RFT1: variants seen among roughly 807,000 people sequenced by gnomAD.
RFT1 encodes RFT1 glycolipid translocator homolog.
A neutral mutation model predicts 62.2 loss-of-function variants in RFT1; 43 were observed. That is an observed-to-expected ratio of 0.69 (90% CI 0.54 to 0.89). The LOEUF (loss-of-function observed/expected upper bound fraction) is 0.89. RFT1 is among the 40% of genes least tolerant of loss of function. The pLI is 0.00. For synonymous variants in RFT1, 262 were observed against 264.6 expected (o/e 0.99, Z 0.10); for missense variants, 605 against 649.9 (o/e 0.93, Z 0.75).
At chr3:53,101,184 G>T (rs1028637941) in intron 10 of RFT1, among the ~76,000 whole-genome samples, 1 of 152,204 alleles carries the variant, frequency 6.6e-6, no homozygotes, top group Non-Finnish European at 1.5e-5. Context: ...CCACGGCCCT[G>T]TCTCAGATTC....
intron 10 of RFT1, among the ~76,000 whole-genome samples, chr3:53,102,097 T>C (rs1290922899): frequency 2.7e-5 from 4 of 150,684 alleles, no homozygotes; most frequent in Admixed American, 6.6e-5. Context: ...AGGGAGATGA[T>C]GACGTGAAGA....
rs1458828586 is a variant in RFT1, at chr3:53,122,495, T to G, written c.335A>C (p.Asp112Ala). The G allele has an allele frequency of 6.2e-7, 1 of 1,613,542 alleles. No homozygotes were observed. The highest frequency in any genetic ancestry group is 8.5e-7 in the Non-Finnish European group (1 of 1,179,886). ...TGCATAGTGAGGGACAACATTAGGA[T>G]CAGGCACTTCAAGCAGCTGCAACCA... ...WIWLQLLEVPDPNVVPHYATG... is the reference protein window; with the variant it reads ...WIWLQLLEVPAPNVVPHYATG... Residue 112 changes from aspartate (D) to alanine (A), a missense_variant, in exon 4 of 13, where the codon GAT (aspartate) becomes GCT (alanine). Physicochemically the swap from Asp to Ala is moderately radical, Grantham distance 126. Coordinates refer to ENST00000296292, the MANE Select transcript of RFT1 (RefSeq NM_052859.4).
intron 10 of RFT1, chr3:53,103,659 C>A (rs1047055756): frequency 2.4e-6 from 1 of 411,678 alleles, no homozygotes; most frequent in Non-Finnish European, 4.6e-6. Context: ...CACAGGGAAG[C>A]GCTTGGCAAA....
At chr3:53,104,500 C>G (rs1276819751) in intron 9 of RFT1, among the ~76,000 whole-genome samples, 1 of 152,052 alleles carries the variant, frequency 6.6e-6, no homozygotes, top group East Asian at 1.9e-4. Flanking sequence ...AAGCGTGAGG[C>G]TTACAGGCAT....
At chr3:53,107,395 C>T (rs1701516705) in intron 7 of RFT1, among the ~76,000 whole-genome samples, 2 of 152,008 alleles carry the variant, frequency 1.3e-5, no homozygotes, top group South Asian at 4.1e-4. Flanking sequence ...CCTCAGCCTC[C>T]CAAAGTGCTG....
In RFT1 at chr3:53,099,362, T is replaced by A; in HGVS notation, c.1208+19A>T. 1 of 1,590,388 alleles carries A rather than the reference T, an allele frequency of 6.3e-7. No individual in the cohort carries two copies. The highest frequency in any genetic ancestry group is 8.6e-7 in the Non-Finnish European group (1 of 1,158,454). ...TGGCTGAAGGCCATGATTAAAGGTGTACCTGCTAGGTTACCCACCTGTCGA... is the reference window on the plus strand; with the variant it reads ...TGGCTGAAGGCCATGATTAAAGGTGAACCTGCTAGGTTACCCACCTGTCGA... On this transcript the variant is annotated intron_variant, in intron 11 of 12. Transcript: ENST00000296292.
At chr3:53,083,683 C>T (rs141336487), downstream of RFT1, among the ~76,000 whole-genome samples, 19 of 152,284 alleles carry the variant, frequency 1.2e-4, no homozygotes, top group East Asian at 3.7e-3. Flanking sequence ...GACAAGTCAC[C>T]ACTGTGCTTG....
At chr3:53,103,833 C>A in intron 10 of RFT1, 120 bp downstream of exon 10, 1 of 1,268,176 alleles carries the variant, frequency 7.9e-7, no homozygotes, top group South Asian at 1.2e-5. Flanking sequence ...CCCCTGCCAC[C>A]AGACAGTTTT....
At chr3:53,102,601 A>C (rs777355332) in intron 10 of RFT1, among the ~76,000 whole-genome samples, 2 of 152,228 alleles carry the variant, frequency 1.3e-5, no homozygotes, top group Non-Finnish European at 2.9e-5. Context: ...CCTCTAGAAC[A>C]CTTACAAAGA....
At chr3:53,113,494 G>C (rs1278049994) in intron 6 of RFT1, among the ~76,000 whole-genome samples, 1 of 152,228 alleles carries the variant, frequency 6.6e-6, no homozygotes. Context: ...GGGCCCAAGG[G>C]CAGGCCTGGA....
At chr3:53,125,845 G>C (rs1051477465) in intron 2 of RFT1, 64 bp downstream of exon 2, 3 of 1,234,690 alleles carry the variant, frequency 2.4e-6, no homozygotes, top group African/African-American at 3.0e-5. Context: ...AACAGGTACA[G>C]AGTTTGAAGA....
Position 53,103,964 on chromosome 3 carries a change from C to G in RFT1, c.1091G>C (p.Ser364Thr). The change falls in exon 10 of 13, where the codon AGC becomes ACC. Residue 364 changes from serine (S) to threonine (T), a missense_variant. Physicochemically the swap from Ser to Thr is moderately conservative, Grantham distance 58. Coordinates refer to ENST00000296292, the MANE Select transcript of RFT1 (RefSeq NM_052859.4). ...ALDIYGGTML[S>T]SGSGPVLLRS... Reference sequence around the variant, plus strand: ...ACTCTTGTGCGTACCGGATCCTGAGCTAAGCATGGTCCCTCCGTAGATATC... The same window carrying G: ...ACTCTTGTGCGTACCGGATCCTGAGGTAAGCATGGTCCCTCCGTAGATATC... 1 of 1,614,214 alleles carries G rather than the reference C, an allele frequency of 6.2e-7. No homozygotes were observed. The highest frequency in any genetic ancestry group is 8.5e-7 in the Non-Finnish European group (1 of 1,180,040).
the RFT1 span, among the ~76,000 whole-genome samples, chr3:53,075,634 G>A: frequency 6.6e-6 from 1 of 152,154 alleles, no homozygotes; most frequent in Non-Finnish European, 1.5e-5. Context: ...TCCCCTTCAG[G>A]AATGTGTGCT....
intron 6 of RFT1, among the ~76,000 whole-genome samples, chr3:53,116,841 T>C (rs1011116046): frequency 3.3e-5 from 5 of 151,504 alleles, no homozygotes; most frequent in African/African-American, 9.7e-5. Context: ...TGACCTCAAG[T>C]GATCTGCCCG....
chr3:53,125,364 G>A (rs975676155), intron 2 of RFT1, among the ~76,000 whole-genome samples: 5 of 152,194 alleles, frequency 3.3e-5, no homozygotes, highest in Non-Finnish European at 7.3e-5. Flanking sequence ...GAGGCGAGTA[G>A]AAGAAACAAG....
intron 1 of RFT1, among the ~76,000 whole-genome samples, chr3:53,126,233 T>C (rs1702106544): frequency 6.6e-6 from 1 of 152,138 alleles, no homozygotes; most frequent in South Asian, 2.1e-4. Context: ...CTTGGAAGGC[T>C]CCCTAATTTA....
intron 5 of RFT1, among the ~76,000 whole-genome samples, 173 bp from the exon 6 acceptor site, chr3:53,120,194 C>G (rs1402953922): frequency 1.3e-5 from 2 of 152,240 alleles, no homozygotes; most frequent in Admixed American, 6.5e-5. Context: ...TCCACTGCAG[C>G]ATCTACCTGC....
Position 53,091,984 on chromosome 3 carries a change from T to G in RFT1, c.1545A>C (p.Thr515=). Residue 515 remains threonine, a synonymous_variant, in exon 13 of 13, where the codon ACA becomes ACC. Transcript: ENST00000296292. ...TCAGCTTGGTCTCTGTGAGGAATGC[T>G]GTCCCGAGAGTTGCTCCCAGACAGA... is the stretch of plus-strand genomic sequence containing the variant. The part of the protein sequence containing the change: ...GAFCLGATLG[T]AFLTETKLIH... 6.2e-7 allele frequency: 1 copy of G among 1,614,270 alleles called. No individual in the cohort carries two copies. The highest frequency in any genetic ancestry group is 2.2e-5 in the East Asian group (1 of 44,890).
chr3:53,099,400 T>C lies in RFT1; in HGVS notation c.1189A>G (p.Ser397Gly), dbSNP rs753459455. 6.2e-7 allele frequency: 1 copy of C among 1,614,098 alleles called. No homozygotes were observed. Among genetic ancestry groups the C allele is most frequent in the Non-Finnish European group, 8.5e-7 (1 of 1,179,954 alleles). ...VTECFTFAAM[S>G]KEEVDRYNFV... ...ACCCACCTGTCGACCTCCTCTTTGC[T>C]CATGGCAGCAAATGTGAAACACTCT... The change falls in exon 11 of 13, where the codon AGC (serine) becomes GGC (glycine). Residue 397 changes from serine (S) to glycine (G), a missense_variant. Coordinates refer to ENST00000296292, the MANE Select transcript of RFT1 (RefSeq NM_052859.4).
Sources: gnomAD v4.1 joint callset for allele counts (sites outside exome capture counted in the v4.1 genomes callset) on GRCh38, gnomAD v4.1.1 for gene constraint, MANE v1.5 for transcripts, NCBI Gene and HGNC (gene_info 2026-07-23, HGNC 2026-07-21) for gene names.